The following PLIN2 variants were observed in gnomAD, a reference collection of about 807,000 sequenced individuals.
PLIN2 encodes perilipin-2.
PLIN2 carries 33 observed loss-of-function variants against 30.6 expected under a neutral mutation model. The ratio of observed to expected loss-of-function variants is 1.08; its 90% CI spans 0.82 to 1.44. PLIN2 has a LOEUF of 1.44. Ranked by LOEUF, PLIN2 falls within the 40% of genes most tolerant of loss-of-function variation. The pLI is 0.00. For synonymous variants in PLIN2, 205 were observed against 201.1 expected (o/e 1.02, Z -0.16); for missense variants, 610 against 531.8 (o/e 1.15, Z -1.45).
At chr9:19,126,680 C>T (rs553851261) in intron 1 of PLIN2, among the ~76,000 whole-genome samples, 13 of 152,302 alleles carry the variant, frequency 8.5e-5, no homozygotes, top group South Asian at 8.3e-4. Flanking sequence ...TGTAAACTTG[C>T]AATACTCAGG....
downstream of PLIN2, among the ~76,000 whole-genome samples, chr9:19,111,775 G>C (rs1202273569): frequency 6.6e-6 from 1 of 151,970 alleles, no homozygotes; most frequent in East Asian, 1.9e-4. Flanking sequence ...CCAAATTTTA[G>C]CTTTTTCCTT....
rs1026741747 is a variant in PLIN2, at chr9:19,116,564, T to A, written c.998A>T (p.Gln333Leu). Residue 333 changes from glutamine (Q) to leucine (L), a missense_variant, in exon 8 of 8, where the codon CAA becomes CTA. Gln to Leu is a moderately radical substitution (Grantham distance 113, BLOSUM62 -2). Transcript: ENST00000276914. ...ATCTTGGATGTTCTGTGGTACACCT[T>A]GGATGTTGGACAGGAGGGTGTGGCA... is the stretch of plus-strand genomic sequence containing the variant. ...TTCHTLLSNI[Q>L]GVPQNIQDQA... The A allele has an allele frequency of 3.1e-6, 5 of 1,614,142 alleles. No individual in the cohort carries two copies. Among genetic ancestry groups the A allele is most frequent in the Non-Finnish European group, 4.2e-6 (5 of 1,180,020 alleles).
At chr9:19,126,475 C>T (rs531596979) in intron 1 of PLIN2, 27 bp from the exon 2 acceptor site, 1 of 1,456,790 alleles carries the variant, frequency 6.9e-7, no homozygotes, top group South Asian at 1.1e-5. Flanking sequence ...TATTTCAGAA[C>T]ACCGGGATAA....
At chr9:19,123,542 C>T (rs201576158) in intron 4 of PLIN2, 23 bp downstream of exon 4, 249 of 1,614,040 alleles carry the variant, frequency 1.5e-4, no homozygotes, top group Non-Finnish European at 2.0e-4. Context: ...TGTCAAGTCT[C>T]AGCACTTTTG....
At chr9:19,121,315 G>T in intron 4 of PLIN2, 150 bp from the exon 5 acceptor site, 1 of 670,404 alleles carries the variant, frequency 1.5e-6, no homozygotes, top group Non-Finnish European at 2.5e-6. Context: ...GTCACTAAGA[G>T]TTGATGAGCC....
chr9:19,119,325 CTG>C (rs1351327112), intron 6 of PLIN2, among the ~76,000 whole-genome samples: 1 of 152,178 alleles, frequency 6.6e-6, no homozygotes, highest in Non-Finnish European at 1.5e-5. Flanking sequence ...TTTACTAAAA[CTG>C]TCTCTTGAAT....
downstream of PLIN2, among the ~76,000 whole-genome samples, chr9:19,113,232 C>G (rs1027406805): frequency 2.6e-4 from 40 of 151,882 alleles, no homozygotes; most frequent in Non-Finnish European, 5.4e-4. Flanking sequence ...ACTTGGGAGG[C>G]TGAGGGCAGG....
chr9:19,117,980 A>G (rs1818256592), intron 7 of PLIN2, among the ~76,000 whole-genome samples: 1 of 152,162 alleles, frequency 6.6e-6, no homozygotes, highest in Non-Finnish European at 1.5e-5. Context: ...TGTACTGCCT[A>G]TGAGATAGCC....
At chr9:19,113,649 C>A (rs1818184429), downstream of PLIN2, among the ~76,000 whole-genome samples, 2 of 151,446 alleles carry the variant, frequency 1.3e-5, no homozygotes, top group Non-Finnish European at 2.9e-5. Context: ...TCTCGGCTCA[C>A]TGCAACCTTC....
At position 19,126,146 on chromosome 9, in the gene PLIN2, G is replaced by A. The variant is rs1207473720; in HGVS notation, c.194C>T (p.Ala65Val). 3 of 1,614,050 alleles carry A rather than the reference G, an allele frequency of 1.9e-6. No homozygotes were observed. The Admixed American group carries it at 5.0e-5, about 27-fold the overall frequency. Residue 65 changes from alanine to valine, a missense_variant, in exon 3 of 8, where the codon GCT (alanine) becomes GTT (valine). Ala to Val is a moderately conservative substitution (Grantham distance 64). Coordinates refer to ENST00000276914, the MANE Select transcript of PLIN2 (RefSeq NM_001122.4). ...CTCTAGCTTCTGGATGATGGGCAGA[G>A]CACTGGTCATGGCCACGGAGGTGAT... ...KTITSVAMTS[A>V]LPIIQKLEPQ... is the part of the protein sequence containing the mutation.
At chr9:19,121,198 G>A (rs1818310434) in intron 4 of PLIN2, 33 bp from the exon 5 acceptor site, 10 of 1,600,596 alleles carry the variant, frequency 6.2e-6, no homozygotes, top group Non-Finnish European at 7.7e-6. Flanking sequence ...CCTGGCTGGT[G>A]AGAAAAATGA....
At position 19,115,893 on chromosome 9, in the gene PLIN2, A is replaced by G. The variant is rs1475833111; in HGVS notation, c.*355T>C. 5.4e-6 allele frequency: 1 copy of G among 186,130 alleles called. No individual in the cohort carries two copies. The highest frequency in any genetic ancestry group is 2.4e-5 in the African/African-American group (1 of 42,384). The allele number at this position is 186,130 out of a possible 1,614,324, so 11.5% of individuals were successfully genotyped here. The stretch of plus-strand genomic sequence containing the variant: ...CAGTGAAGACGCCTTTTCAGATCAC[A>G]CCAGAGCAGACACCAGTTTCTACCC... On this transcript the variant is annotated 3_prime_UTR_variant, in exon 8 of 8. Transcript: ENST00000276914.
chr9:19,118,483 A>C, intron 6 of PLIN2, 28 bp from the exon 7 acceptor site: 1 of 1,603,712 alleles, frequency 6.2e-7, no homozygotes, highest in Non-Finnish European at 8.5e-7. Context: ...AGACAAAGGA[A>C]CACACAAGTC....
intron 4 of PLIN2, among the ~76,000 whole-genome samples, chr9:19,122,021 A>G (rs1412561716): frequency 2.0e-5 from 3 of 150,348 alleles, no homozygotes; most frequent in Non-Finnish European, 3.0e-5. Context: ...AAGCAGGACA[A>G]TTGCTTGAAC....
rs1232094411 is a variant in PLIN2 at position 19,116,621 on chromosome 9, G to A, written c.941C>T (p.Ala314Val). The A allele has an allele frequency of 1.1e-5, 18 of 1,613,348 alleles. No homozygotes were observed. The highest frequency in any genetic ancestry group is 3.3e-5 in the Admixed American group (2 of 59,956). ...EHIESRTLAIARNLTQQLQTT... is the reference protein window; with the variant it reads ...EHIESRTLAIVRNLTQQLQTT... ...CTGGAGCTGCTGAGTCAGGTTGCGGGCAATTGCAAGAGTACGTGACTCAAT... is the reference window on the plus strand; with the variant it reads ...CTGGAGCTGCTGAGTCAGGTTGCGGACAATTGCAAGAGTACGTGACTCAAT... The change falls in exon 8 of 8, where the codon GCC (alanine) becomes GTC (valine). Residue 314 changes from alanine (A) to valine (V), a missense_variant. Coordinates refer to ENST00000276914, the MANE Select transcript of PLIN2 (RefSeq NM_001122.4).
intron 6 of PLIN2, 146 bp downstream of exon 6, chr9:19,119,504 A>C: frequency 1.8e-6 from 1 of 563,370 alleles, no homozygotes; most frequent in East Asian, 2.7e-5. Flanking sequence ...TTTTTCTGTG[A>C]GCTGTCTCCA....
chr9:19,111,144 G>A (rs1033276703), downstream of PLIN2, among the ~76,000 whole-genome samples: 19 of 151,164 alleles, frequency 1.3e-4, no homozygotes, highest in Middle Eastern at 0.014. Context: ...TGCAACCTTC[G>A]CCTCCCAGGT....
chr9:19,125,582 A>G (rs1473218618), intron 3 of PLIN2: 2 of 152,998 alleles, frequency 1.3e-5, no homozygotes, highest in African/African-American at 4.8e-5. Flanking sequence ...CACCGTGCCC[A>G]TCCTCTGGGG....
intron 2 of PLIN2, among the ~76,000 whole-genome samples, chr9:19,109,588 G>A (rs541545708): frequency 3.5e-5 from 5 of 144,902 alleles, no homozygotes; most frequent in East Asian, 4.1e-4. Context: ...AACATAAAAC[G>A]TATTACCAAA....
Sources: gnomAD v4.1 joint callset for allele counts (sites outside exome capture counted in the v4.1 genomes callset) on GRCh38, gnomAD v4.1.1 for gene constraint, MANE v1.5 for transcripts, NCBI Gene and HGNC (gene_info 2026-07-23, HGNC 2026-07-21) for gene names.